SYNE2: variants seen among roughly 807,000 people sequenced by gnomAD.
SYNE2 encodes nesprin-2.
Under a neutral mutation model 856.3 loss-of-function variants are expected in SYNE2, and 431 were observed. The observed-to-expected ratio is 0.50, with a 90% CI of 0.47 to 0.55. The LOEUF (loss-of-function observed/expected upper bound fraction) is 0.55. Ranked by LOEUF, SYNE2 falls within the 20% of genes least tolerant of loss-of-function variation. SYNE2 has a pLI of 0.00. For synonymous variants in SYNE2, 2,923 were observed against 2,872.3 expected (o/e 1.02, Z -0.56); for missense variants, 8,129 against 8,023.2 (o/e 1.01, Z -0.50).
Position 64,052,380 on chromosome 14 carries a change from A to C in SYNE2, c.8467A>C (p.Thr2823Pro). The C allele has an allele frequency of 6.2e-7, 1 of 1,614,160 alleles. No homozygotes were observed. The highest frequency in any genetic ancestry group is 8.5e-7 in the Non-Finnish European group (1 of 1,180,020). Residue 2823 changes from threonine to proline, a missense_variant, in exon 48 of 116, where the codon ACT (threonine) becomes CCT (proline). By Grantham distance (38) the Thr-to-Pro change is conservative. Around this residue, in one of 3 missense-constraint regions of SYNE2, gnomAD observed 5,410 missense variants for 5,284.8 expected, o/e 1.02. Transcript: ENST00000555002. ...ATACCAAATGCTGGTTTTAAAATCA[A>C]CTCAAAGATCACAGCAATTAGAATT... ...NQYQMLVLKS[T>P]QRSQQLEFKL...
At chr14:64,222,851 T>C (rs1481983479) in intron 112 of SYNE2, among the ~76,000 whole-genome samples, 1 of 152,230 alleles carries the variant, frequency 6.6e-6, no homozygotes, top group Non-Finnish European at 1.5e-5. Context: ...TGTTTCTCGG[T>C]TGATTGACTT....
At chr14:63,880,288 C>T (rs975673131) in intron 1 of SYNE2, among the ~76,000 whole-genome samples, 20 of 152,202 alleles carry the variant, frequency 1.3e-4, no homozygotes, top group Admixed American at 3.9e-4. Context: ...GACAGGGTTT[C>T]GCCATGTTGG....
At chr14:63,992,453 T>A (rs574111829) in intron 21 of SYNE2, among the ~76,000 whole-genome samples, 37 of 151,952 alleles carry the variant, frequency 2.4e-4, no homozygotes, top group Admixed American at 2.6e-4. Flanking sequence ...TTTAAAAAAA[T>A]TTTTTTTATA....
In SYNE2 at chr14:64,062,861, A is replaced by G; in HGVS notation, c.10178A>G (p.Tyr3393Cys). The G allele has an allele frequency of 1.2e-6, 2 of 1,614,188 alleles. No individual in the cohort carries two copies. Among genetic ancestry groups the G allele is most frequent in the Non-Finnish European group, 1.7e-6 (2 of 1,180,030 alleles). The change falls in exon 50 of 116, where the codon TAC becomes TGC. Residue 3393 changes from tyrosine (Y) to cysteine (C), a missense_variant. Transcript: ENST00000555002. ...TCCATGTCCTCGTTGCCACTGTCTTACAGAGAAGCTTTAGAGCGCTTGGAA... is the reference window on the plus strand; with the variant it reads ...TCCATGTCCTCGTTGCCACTGTCTTGCAGAGAAGCTTTAGAGCGCTTGGAA... Reference protein sequence around the residue: ...GQSMSSLPLSYREALERLEQS... With the variant: ...GQSMSSLPLSCREALERLEQS...
At chr14:64,015,406 T>C (rs2096884914) in intron 32 of SYNE2, among the ~76,000 whole-genome samples, 1 of 152,064 alleles carries the variant, frequency 6.6e-6, no homozygotes, top group Non-Finnish European at 1.5e-5. Flanking sequence ...GTATTTAATA[T>C]TGGATGAGTT....
chr14:63,909,085 A>G lies in SYNE2; in HGVS notation c.-51-13A>G, dbSNP rs1467634587. ...CAAAGTTACTAATGAACATTTATCCATTTCACTTTCAGTTCACTTCTTCAA... is the reference window on the plus strand; with the variant it reads ...CAAAGTTACTAATGAACATTTATCCGTTTCACTTTCAGTTCACTTCTTCAA... On this transcript the variant is annotated splice_polypyrimidine_tract_variant and intron_variant, in intron 1 of 115. Coordinates refer to ENST00000555002, the MANE Select transcript of SYNE2 (RefSeq NM_182914.3). The G allele has an allele frequency of 4.3e-6, 5 of 1,161,470 alleles. No homozygotes were observed. The highest frequency in any genetic ancestry group is 1.7e-5 in the Admixed American group (1 of 59,404). The allele number at this position is 1,161,470 out of a possible 1,614,324, so 71.9% of individuals were successfully genotyped here.
rs540425187 is a variant in SYNE2, at chr14:64,038,773, A to G, written c.7221+7416A>G. On this transcript the variant is annotated intron_variant, in intron 45 of 115. Coordinates refer to ENST00000555002, the MANE Select transcript of SYNE2 (RefSeq NM_182914.3). Reference sequence around the variant, plus strand: ...CAGGAGAATCAGGCAGGGAGGTTGCAGTGAGCCCAGATGGCAGCAGTACAG... The same window carrying G: ...CAGGAGAATCAGGCAGGGAGGTTGCGGTGAGCCCAGATGGCAGCAGTACAG... Among the ~76,000 whole-genome samples the G allele has an allele frequency of 6.8e-4, 104 of 152,386 alleles. 1 individual carries two copies. In the Middle Eastern group the frequency reaches 0.017, roughly 25 times the overall value.
intron 111 of SYNE2, 147 bp downstream of exon 111, chr14:64,220,784 C>A: frequency 2.9e-6 from 3 of 1,017,406 alleles, no homozygotes; most frequent in South Asian, 2.9e-5. Context: ...TTTGTTTCCA[C>A]AGAGGCTCAC....
chr14:64,056,094 A>G lies in SYNE2; in HGVS notation c.9895A>G (p.Lys3299Glu). 6.2e-7 allele frequency: 1 copy of G among 1,614,190 alleles called. No individual in the cohort carries two copies. Among genetic ancestry groups the G allele is most frequent in the South Asian group, 1.1e-5 (1 of 91,076 alleles). ...PEESLEMPLR[K>E]QEELESTVAH... is the part of the protein sequence containing the mutation. ...AGAATCTTTAGAGATGCCTCTTCGAAAACAAGAGGAATTGGAATCCACAGT... is the reference window on the plus strand; with the variant it reads ...AGAATCTTTAGAGATGCCTCTTCGAGAACAAGAGGAATTGGAATCCACAGT... Residue 3299 changes from lysine to glutamate, a missense_variant, in exon 49 of 116, where the codon AAA becomes GAA. By Grantham distance (56) the Lys-to-Glu change is moderately conservative. Transcript: ENST00000555002.
intron 92 of SYNE2, among the ~76,000 whole-genome samples, chr14:64,168,065 A>G (rs184088386): frequency 6.6e-6 from 1 of 152,314 alleles, no homozygotes; most frequent in East Asian, 1.9e-4. Context: ...TTATGCTGAC[A>G]TGTATTTGAA....
At position 64,014,997 on chromosome 14, in the gene SYNE2, A is replaced by G. The variant is rs1361638350; in HGVS notation, c.4729-1476A>G. On this transcript the variant is annotated intron_variant, in intron 32 of 115. Coordinates refer to ENST00000555002, the MANE Select transcript of SYNE2 (RefSeq NM_182914.3). Reference sequence around the variant, plus strand: ...TATACACACACACACACACACATATATAAATATATATATGTGTATATATGT... The same window carrying G: ...TATACACACACACACACACACATATGTAAATATATATATGTGTATATATGT... 4.8e-5 allele frequency among the ~76,000 whole-genome samples: 7 copies of G among 144,624 alleles called. No individual in the cohort carries two copies. The East Asian group carries it at 1.4e-3, about 29-fold the overall frequency. The allele number at this position is 144,624 out of a possible 152,430, so 94.9% of individuals were successfully genotyped here. A position where few individuals can be genotyped will look rare whatever the true frequency, so the allele number is the denominator to read the frequency against.
At chr14:64,046,110 G>A (rs1468290609) in intron 45 of SYNE2, among the ~76,000 whole-genome samples, 1 of 152,174 alleles carries the variant, frequency 6.6e-6, no homozygotes, top group Non-Finnish European at 1.5e-5. Context: ...GAGTGCCTTA[G>A]CAAAATAATG....
chr14:64,055,943 G>A lies in SYNE2; in HGVS notation c.9745-1G>A. The A allele has an allele frequency of 6.2e-7, 1 of 1,612,650 alleles. No individual in the cohort carries two copies. On this transcript the variant is annotated splice_acceptor_variant, in intron 48 of 115. Transcript: ENST00000555002. LOFTEE classifies it high-confidence loss of function. ...ACAGCATTTAATCTCCTATTCACTA[G>A]AATGTCTTGAATGATGCTTATGAAA...
intron 2 of SYNE2, among the ~76,000 whole-genome samples, chr14:63,939,553 G>T (rs1009726476): frequency 2.0e-5 from 3 of 151,894 alleles, no homozygotes; most frequent in African/African-American, 7.3e-5. Flanking sequence ...TCCCCATGTT[G>T]TCCAGGCTGG....
intron 10 of SYNE2, among the ~76,000 whole-genome samples, chr14:63,964,671 T>G (rs1042399802): frequency 3.3e-5 from 5 of 152,038 alleles, no homozygotes; most frequent in African/African-American, 1.2e-4. Flanking sequence ...ATTACAGGCA[T>G]GTACCGCCAT....
intron 1 of SYNE2, among the ~76,000 whole-genome samples, chr14:63,875,889 G>A (rs2094704540): frequency 6.6e-6 from 1 of 152,124 alleles, no homozygotes; most frequent in South Asian, 2.1e-4. Flanking sequence ...GTTCTTCAAG[G>A]TTCCCAGACC....
chr14:64,118,731 C>T (rs1595646012), intron 66 of SYNE2, among the ~76,000 whole-genome samples: 1 of 152,004 alleles, frequency 6.6e-6, no homozygotes, highest in East Asian at 1.9e-4. Flanking sequence ...CGTGGTGGCG[C>T]ACTCTTGTAA....
Position 64,106,725 on chromosome 14 carries a change from T to C in SYNE2, c.12493-766T>C, listed in dbSNP as rs2097774213. On this transcript the variant is annotated intron_variant, in intron 64 of 115. Transcript: ENST00000555002. ...CTTTAACTTAGATTATGGTATCTTT[T>C]GTGGTGCATATTATTTTATTTTTTT... Among the ~76,000 whole-genome samples, 4 of 152,366 alleles carry C rather than the reference T, an allele frequency of 2.6e-5. No homozygotes were observed. In the South Asian group the frequency reaches 8.3e-4, roughly 32 times the overall value.
intron 1 of SYNE2, among the ~76,000 whole-genome samples, chr14:63,800,231 G>GT (rs1018127285): frequency 1.3e-3 from 186 of 148,468 alleles, no homozygotes; most frequent in Non-Finnish European, 2.1e-3. Flanking sequence ...AGGTTTTTTG[G>GT]TTTTTTTTTT....
Sources: gnomAD v4.1 joint callset for allele counts (sites outside exome capture counted in the v4.1 genomes callset) on GRCh38, gnomAD v4.1.1 for gene constraint, gnomAD v4.1.1 regional missense constraint, MANE v1.5 for transcripts, NCBI Gene and HGNC (gene_info 2026-07-23, HGNC 2026-07-21) for gene names.